PCDH15: variants seen among roughly 807,000 people sequenced by gnomAD.
PCDH15 encodes the protein protocadherin-15.
A neutral mutation model predicts 178.5 loss-of-function variants in PCDH15; 129 were observed. The observed-to-expected ratio is 0.72, with a 90% CI of 0.63 to 0.84. PCDH15 has a LOEUF of 0.84. Ranked by LOEUF, PCDH15 falls within the 40% of genes least tolerant of loss-of-function variation. The probability of loss-of-function intolerance (pLI) is 0.00; values close to 1 mark genes in which losing one functional copy is unlikely to be tolerated. For missense variants in PCDH15, 2,230 were observed against 2,099.9 expected (o/e 1.06, Z -1.21); for synonymous variants, 800 against 732.0 (o/e 1.09, Z -1.50).
chr10:54,693,117 T>C (rs370537727), intron 1 of PCDH15, among the ~76,000 whole-genome samples: 1 of 152,130 alleles, frequency 6.6e-6, no homozygotes, highest in South Asian at 2.1e-4. Context: ...CTCCCACTTA[T>C]GAGTGAGAAC....
chr10:54,126,759 C>A (rs2042025227), intron 15 of PCDH15, among the ~76,000 whole-genome samples: 1 of 151,606 alleles, frequency 6.6e-6, no homozygotes, highest in Non-Finnish European at 1.5e-5. Context: ...TACATCTGAC[C>A]TTTCACAAAA....
intron 2 of PCDH15, among the ~76,000 whole-genome samples, chr10:55,103,304 T>C (rs1439863813): frequency 2.6e-5 from 4 of 152,136 alleles, no homozygotes; most frequent in Non-Finnish European, 5.9e-5. Flanking sequence ...CATTATTTCT[T>C]CTATGTTTTC....
At chr10:55,504,640 C>A (rs1268198617) in intron 2 of PCDH15, among the ~76,000 whole-genome samples, 1 of 151,014 alleles carries the variant, frequency 6.6e-6, no homozygotes, top group Admixed American at 6.6e-5. Context: ...AAAAAATTCA[C>A]CCAAATACAT....
At chr10:55,504,151 G>A (rs2132143212) in intron 2 of PCDH15, among the ~76,000 whole-genome samples, 1 of 151,280 alleles carries the variant, frequency 6.6e-6, no homozygotes, top group Middle Eastern at 3.4e-3. Context: ...CAACCCTAAC[G>A]TAAACTATGC....
chr10:55,395,704 G>A (rs1408654345), intron 2 of PCDH15, among the ~76,000 whole-genome samples: 1 of 151,878 alleles, frequency 6.6e-6, no homozygotes, highest in African/African-American at 2.4e-5. Flanking sequence ...AGCCTATGAA[G>A]CCCAGCTTCT....
intron 8 of PCDH15, among the ~76,000 whole-genome samples, chr10:54,297,336 A>G (rs2059865354): frequency 6.6e-6 from 1 of 152,124 alleles, no homozygotes; most frequent in Admixed American, 6.6e-5. Context: ...TGGCTCGGCC[A>G]CAATATTATC....
intron 32 of PCDH15, chr10:53,823,093 T>G (rs1316377776): frequency 6.2e-7 from 1 of 1,614,022 alleles, no homozygotes; most frequent in African/African-American, 1.3e-5. Context: ...AAATCTGTTC[T>G]CTGTGAAATG....
At chr10:54,241,319 T>C (rs1591372027) in intron 8 of PCDH15, among the ~76,000 whole-genome samples, 1 of 152,362 alleles carries the variant, frequency 6.6e-6, no homozygotes, top group East Asian at 1.9e-4. Flanking sequence ...ACGGTATGTG[T>C]TGAAGAAATT....
At chr10:55,588,334 C>T (rs1203418314) in intron 2 of PCDH15, among the ~76,000 whole-genome samples, 1 of 152,128 alleles carries the variant, frequency 6.6e-6, no homozygotes, top group Non-Finnish European at 1.5e-5. Flanking sequence ...AAGTTGCCTG[C>T]TTCTGAAAAT....
chr10:53,823,656 A>G (rs1230197027), intron 32 of PCDH15: 1 of 492,178 alleles, frequency 2.0e-6, no homozygotes, highest in African/African-American at 2.0e-5. Context: ...AGTGTGATAC[A>G]GCAAAGCATC....
intron 22 of PCDH15, among the ~76,000 whole-genome samples, chr10:53,960,353 T>TA (rs2088167814): frequency 6.6e-6 from 1 of 152,176 alleles, no homozygotes; most frequent in Non-Finnish European, 1.5e-5. Flanking sequence ...CTCTAGAGGA[T>TA]AAAATTGGAA....
chr10:54,680,744 C>T (rs957920623), intron 1 of PCDH15, among the ~76,000 whole-genome samples: 7 of 152,182 alleles, frequency 4.6e-5, no homozygotes, highest in African/African-American at 1.7e-4. Flanking sequence ...CCATGTAAGA[C>T]ATCACTTTGC....
chr10:54,008,571 T>C (rs1457475831), intron 20 of PCDH15, among the ~76,000 whole-genome samples: 1 of 152,160 alleles, frequency 6.6e-6, no homozygotes, highest in East Asian at 1.9e-4. Context: ...TATATCCAAA[T>C]TGAATCCAGA....
At chr10:54,633,868 G>A (rs2093770645) in intron 2 of PCDH15, among the ~76,000 whole-genome samples, 1 of 152,062 alleles carries the variant, frequency 6.6e-6, no homozygotes, top group African/African-American at 2.4e-5. Context: ...GAAGAGTTTA[G>A]GCACATATTA....
At chr10:54,964,496 C>T (rs896625182) in intron 2 of PCDH15, among the ~76,000 whole-genome samples, 1 of 152,116 alleles carries the variant, frequency 6.6e-6, no homozygotes, top group Non-Finnish European at 1.5e-5. Context: ...TTTCTGTGAT[C>T]CCTCTGATCT....
chr10:55,453,715 G>A (rs1375900316), intron 2 of PCDH15, among the ~76,000 whole-genome samples: 2 of 152,016 alleles, frequency 1.3e-5, no homozygotes, highest in Admixed American at 1.3e-4. Context: ...TTCCACAAGT[G>A]ACTGCAAACA....
chr10:55,371,520 C>T (rs577580001), intron 2 of PCDH15, among the ~76,000 whole-genome samples: 2 of 152,114 alleles, frequency 1.3e-5, no homozygotes, highest in East Asian at 3.9e-4. Context: ...TCATGGGGGC[C>T]GAATTTCTCA....
At position 55,172,867 on chromosome 10, in the gene PCDH15, G is replaced by C. The variant is rs141529220; in HGVS notation, c.-155-6216C>G. Among the ~76,000 whole-genome samples the C allele has an allele frequency of 3.1e-3, 476 of 151,906 alleles. 1 individual carries two copies. The highest frequency in any genetic ancestry group is 0.02 in the South Asian group (95 of 4,816). On this transcript the variant is annotated intron_variant, in intron 1 of 5. Transcript: ENST00000458638. ...TAGATTGTCTCTGCTTGAGAAAGCT[G>C]TTATTAGAAAAAGGGCACCATCTTT...
At chr10:55,391,891 C>G (rs1301368309) in intron 2 of PCDH15, among the ~76,000 whole-genome samples, 1 of 152,226 alleles carries the variant, frequency 6.6e-6, no homozygotes, top group African/African-American at 2.4e-5. Flanking sequence ...TGGCTTTCTA[C>G]ATGTCGTTCT....
Sources: allele counts gnomAD v4.1 joint callset (sites outside exome capture counted in the v4.1 genomes callset), GRCh38; gene constraint gnomAD v4.1.1; transcripts MANE v1.5; gene names NCBI Gene and HGNC (gene_info 2026-07-23, HGNC 2026-07-21).